MLLT1: variants seen among roughly 807,000 people sequenced by gnomAD.
The protein encoded by MLLT1 is protein ENL.
Under a neutral mutation model 55.1 loss-of-function variants are expected in MLLT1, and 11 were observed. That is an observed-to-expected ratio of 0.20 (90% CI 0.13 to 0.33). MLLT1 has a LOEUF of 0.33. MLLT1 is among the 10% of genes least tolerant of loss of function. The pLI is 1.00. For synonymous variants in MLLT1, 323 were observed against 320.1 expected (o/e 1.01, Z -0.10); for missense variants, 536 against 760.6 (o/e 0.70, Z 3.47).
intron 1 of MLLT1, among the ~76,000 whole-genome samples, chr19:6,271,026 G>A (rs559902229): frequency 6.6e-6 from 1 of 151,826 alleles, no homozygotes; most frequent in Non-Finnish European, 1.5e-5. Context: ...CTCCTCACCG[G>A]TCCCCAGCTC....
Position 6,279,488 on chromosome 19 carries a change from AGGGGTCTCCCG to A in MLLT1, c.12+274_12+284del, listed in dbSNP as rs199731594. Among the ~76,000 whole-genome samples the A allele has an allele frequency of 1.3e-3, 199 of 151,608 alleles. 2 individuals carry two copies. The East Asian group carries it at 0.037, about 28-fold the overall frequency. On this transcript the variant is annotated intron_variant, in intron 1 of 11. Coordinates refer to ENST00000252674, the MANE Select transcript of MLLT1 (RefSeq NM_005934.4). ...GGATGCAGGTCGGACTGGCGTTCCG[AGGGGTCTCCCG>A]GGGGTCTCCGAGCCAGGCTGGGGGG...
chr19:6,212,745 G>T lies in MLLT1; in HGVS notation c.*297C>A, dbSNP rs377430237. ...GGGCTGGTCCCAAGGCTGGGCGAGG[G>T]GCCCCCGGCCCTGTCTCTGCCCAGA... On this transcript the variant is annotated 3_prime_UTR_variant, in exon 12 of 12. Transcript: ENST00000252674. 25 of 1,108,596 alleles carry T rather than the reference G, an allele frequency of 2.3e-5. 1 individual carries two copies. In the East Asian group the frequency reaches 1.0e-3, roughly 46 times the overall value. 68.7% of individuals were successfully genotyped at this position (1,108,596 alleles called of 1,614,324 possible).
rs542504092 is a variant in MLLT1, at chr19:6,264,614, G to C, written c.194-2304C>G. ...ATAAAAATAAGATACTTCTAAAAGG[G>C]GAAATTACAGCCAGGCACCACAGCT... is the stretch of plus-strand genomic sequence containing the variant. On this transcript the variant is annotated intron_variant, in intron 2 of 11. Coordinates refer to ENST00000252674, the MANE Select transcript of MLLT1 (RefSeq NM_005934.4). 2.0e-5 allele frequency among the ~76,000 whole-genome samples: 3 copies of C among 152,004 alleles called. No individual in the cohort carries two copies. The East Asian group carries it at 5.8e-4, about 29-fold the overall frequency.
At chr19:6,218,588 G>C (rs952744288) in intron 6 of MLLT1, among the ~76,000 whole-genome samples, 1 of 152,216 alleles carries the variant, frequency 6.6e-6, no homozygotes, top group Non-Finnish European at 1.5e-5. Flanking sequence ...TGCGTGCACA[G>C]GGGACAGAAG....
chr19:6,212,553 A>G lies in MLLT1; in HGVS notation c.*489T>C. ...CGCGAGCCGGGGAGGAGCCGGCGCT[A>G]GGTCTACACGGAGGACGACGCAGAC... On this transcript the variant is annotated 3_prime_UTR_variant, in exon 12 of 12. Transcript: ENST00000252674. 1 of 1,079,564 alleles carries G rather than the reference A, an allele frequency of 9.3e-7. No individual in the cohort carries two copies. Among genetic ancestry groups the G allele is most frequent in the Non-Finnish European group, 1.1e-6 (1 of 889,504 alleles). The allele number at this position is 1,079,564 out of a possible 1,614,324, so 66.9% of individuals were successfully genotyped here.
At chr19:6,217,670 G>A (rs1017430332) in intron 7 of MLLT1, among the ~76,000 whole-genome samples, 4 of 152,194 alleles carry the variant, frequency 2.6e-5, no homozygotes, top group African/African-American at 9.7e-5. Context: ...TTCTGGCCAT[G>A]GGCAGGGCCC....
At position 6,219,131 on chromosome 19, in the gene MLLT1, C is replaced by A. The variant is rs1229523436; in HGVS notation, c.1111-1090G>T. On this transcript the variant is annotated intron_variant, in intron 6 of 11. Transcript: ENST00000252674. The surrounding 1 kb of genome is among the most constrained non-coding windows in gnomAD (Gnocchi z 4.5). ...AGCATGTGGAGGAGACAGCCTCCAC[C>A]CTGCAGAAGGGTCCCCACGAAAGCC... Among the ~76,000 whole-genome samples, 1 of 152,104 alleles carries A rather than the reference C, an allele frequency of 6.6e-6. No homozygotes were observed. Among genetic ancestry groups the A allele is most frequent in the Non-Finnish European group, 1.5e-5 (1 of 67,996 alleles).
chr19:6,218,742 T>A lies in MLLT1; in HGVS notation c.1111-701A>T, dbSNP rs141369924. 4.5e-3 allele frequency among the ~76,000 whole-genome samples: 679 copies of A among 152,252 alleles called. 3 individuals carry two copies. The highest frequency in any genetic ancestry group is 0.014 in the African/African-American group (598 of 41,544). On this transcript the variant is annotated intron_variant, in intron 6 of 11. Transcript: ENST00000252674. Reference sequence around the variant, plus strand: ...GGTGACAGTGCAGGGCAGGCGTGTATGGGGCAGAGGCGTAGCTCCTGGGTG... The same window carrying A: ...GGTGACAGTGCAGGGCAGGCGTGTAAGGGGCAGAGGCGTAGCTCCTGGGTG...
chr19:6,227,074 G>A lies in MLLT1; in HGVS notation c.449C>T (p.Thr150Met), dbSNP rs777783370. 2.7e-5 allele frequency: 44 copies of A among 1,602,990 alleles called. No individual in the cohort carries two copies. Among genetic ancestry groups the A allele is most frequent in the Non-Finnish European group, 3.5e-5 (41 of 1,175,978 alleles). ...GTAGTCGGGACTGGGCCTGGACACC[G>A]TGTCTGCTCCTTCGGGCATTACCAT... ...GVMVMPEGAD[T>M]VSRPSPDYPM... The change falls in exon 5 of 12, where the codon ACG becomes ATG. Residue 150 changes from threonine (T) to methionine (M), a missense_variant. This residue lies in a region of MLLT1 where 449 missense variants were observed against 489.0 expected (regional missense o/e 0.92). Transcript: ENST00000252674. This position sits in a 1 kb window ranked among gnomAD's most constrained non-coding sequence, Gnocchi z 5.1.
At position 6,211,073 on chromosome 19, in the gene MLLT1, G is replaced by C. The variant is rs899555709; in HGVS notation, c.*1969C>G. On this transcript the variant is annotated 3_prime_UTR_variant, in exon 12 of 12. Transcript: ENST00000252674. This position sits in a 1 kb window ranked among gnomAD's most constrained non-coding sequence, Gnocchi z 4.6. ...GTGGATTTTGGGGGACTCCTGCGAA[G>C]GAGAAAGGCCAGCACCCTGGGCTGA... The C allele has an allele frequency of 1.3e-5, 3 of 232,146 alleles. No homozygotes were observed. Among genetic ancestry groups the C allele is most frequent in the African/African-American group, 4.4e-5 (2 of 45,200 alleles). 14.4% of individuals were successfully genotyped at this position (232,146 alleles called of 1,614,324 possible).
chr19:6,274,134 C>A (rs894896796), intron 1 of MLLT1, among the ~76,000 whole-genome samples: 1 of 152,238 alleles, frequency 6.6e-6, no homozygotes, highest in Admixed American at 6.5e-5. Flanking sequence ...CCAACAGATG[C>A]GAAGTTCGGG....
At chr19:6,213,859 C>T in intron 9 of MLLT1, 62 bp from the exon 10 acceptor site, 1 of 1,588,672 alleles carries the variant, frequency 6.3e-7, no homozygotes, top group Non-Finnish European at 8.6e-7. Context: ...CCGAAGGCCC[C>T]ACAAACCCTC....
chr19:6,262,198 C>T lies in MLLT1; in HGVS notation c.276+30G>A, dbSNP rs531279269. On this transcript the variant is annotated intron_variant, in intron 3 of 11. Coordinates refer to ENST00000252674, the MANE Select transcript of MLLT1 (RefSeq NM_005934.4). The surrounding 1 kb of genome is among the most constrained non-coding windows in gnomAD (Gnocchi z 4.4). Reference sequence around the variant, plus strand: ...CGGAGCAGGGGTCCCCACAGAGAGGCATCCTGCTTGCTCCCCTCAGGGATC... The same window carrying T: ...CGGAGCAGGGGTCCCCACAGAGAGGTATCCTGCTTGCTCCCCTCAGGGATC... 3 of 1,586,650 alleles carry T rather than the reference C, an allele frequency of 1.9e-6. No homozygotes were observed. Among genetic ancestry groups the T allele is most frequent in the South Asian group, 2.2e-5 (2 of 90,526 alleles).
rs2090997837 is a variant in MLLT1, at chr19:6,230,342, GGCCACCCAGAA to G, written c.420+217_420+227del. On this transcript the variant is annotated intron_variant, in intron 4 of 11. Transcript: ENST00000252674. This position sits in a 1 kb window ranked among gnomAD's most constrained non-coding sequence, Gnocchi z 9.0. ...CTGCAGGAAGGTGCTAATTACCCAT[GGCCACCCAGAA>G]GCACAGGGTGACCAGCAACGAGTCA... Among the ~76,000 whole-genome samples the G allele has an allele frequency of 6.6e-6, 1 of 152,184 alleles. No homozygotes were observed. The highest frequency in any genetic ancestry group is 2.4e-5 in the African/African-American group (1 of 41,454).
chr19:6,269,947 C>T (rs1484837402), intron 2 of MLLT1, among the ~76,000 whole-genome samples: 1 of 152,192 alleles, frequency 6.6e-6, no homozygotes, highest in African/African-American at 2.4e-5. Context: ...CCACCTCACT[C>T]TCCGATTCCC....
At chr19:6,247,466 C>A (rs1026952515) in intron 3 of MLLT1, among the ~76,000 whole-genome samples, 31 of 152,264 alleles carry the variant, frequency 2.0e-4, no homozygotes, top group African/African-American at 7.0e-4. Context: ...AAACAGGTAA[C>A]AACAGACTGG....
rs1264419020 is a variant in MLLT1 at position 6,227,487 on chromosome 19, G to C, written c.421-385C>G. On this transcript the variant is annotated intron_variant, in intron 4 of 11. Transcript: ENST00000252674. The surrounding 1 kb of genome is among the most constrained non-coding windows in gnomAD (Gnocchi z 5.1). ...GGGGAACAGCTCAGAAGTGTGAGAGGCCAGCCAGATGCCTGCGAAAGGCAG... is the reference window on the plus strand; with the variant it reads ...GGGGAACAGCTCAGAAGTGTGAGAGCCCAGCCAGATGCCTGCGAAAGGCAG... 6.6e-6 allele frequency among the ~76,000 whole-genome samples: 1 copy of C among 152,222 alleles called. No individual in the cohort carries two copies. Among genetic ancestry groups the C allele is most frequent in the Admixed American group, 6.5e-5 (1 of 15,290 alleles).
intron 1 of MLLT1, among the ~76,000 whole-genome samples, chr19:6,277,191 G>A (rs2091432476): frequency 6.6e-6 from 1 of 152,180 alleles, no homozygotes; most frequent in South Asian, 2.1e-4. Flanking sequence ...TTTCCCCAGG[G>A]GCCTCCGGCT....
chr19:6,241,616 C>T (rs879689198), intron 3 of MLLT1, among the ~76,000 whole-genome samples: 11 of 152,228 alleles, frequency 7.2e-5, no homozygotes, highest in South Asian at 2.1e-4. Flanking sequence ...GTGGCCGTGG[C>T]GGGCGCAGGG....
Sources: gnomAD v4.1 joint callset for allele counts (sites outside exome capture counted in the v4.1 genomes callset) on GRCh38, gnomAD v4.1.1 for gene constraint, gnomAD v4.1.1 regional missense constraint, Gnocchi (gnomAD v3.1) non-coding constraint, MANE v1.5 for transcripts, NCBI Gene and HGNC (gene_info 2026-07-23, HGNC 2026-07-21) for gene names.